The following PDXDC1 variants were observed in gnomAD, a reference collection of about 807,000 sequenced individuals.
The protein encoded by PDXDC1 is pyridoxal-dependent decarboxylase domain-containing protein 1.
PDXDC1 carries 42 observed loss-of-function variants against 100.1 expected under a neutral mutation model. The ratio of observed to expected loss-of-function variants is 0.42; its 90% CI spans 0.33 to 0.54. The LOEUF (loss-of-function observed/expected upper bound fraction) is 0.54, where lower values mean the gene tolerates loss of function less well. Among genes scored for constraint, PDXDC1 ranks in the 20% least tolerant of loss-of-function variants. The pLI is 0.10. For synonymous variants in PDXDC1, 260 were observed against 371.7 expected (o/e 0.70, Z 3.46); for missense variants, 636 against 979.2 (o/e 0.65, Z 4.68).
In PDXDC1 at chr16:15,111,972, G is replaced by A. The variant is rs538437818; in HGVS notation, c.1400-26907G>A. On this transcript the variant is annotated intron_variant, in intron 16 of 16. Transcript: ENST00000535621. ...CTGCTCCTTCCTGATCTGCACTGGA[G>A]CATCTTTCTTCTGTCCCTGCTCTAC... Among the ~76,000 whole-genome samples the A allele has an allele frequency of 4.7e-3, 698 of 147,784 alleles. 12 individuals are homozygous for A. Among genetic ancestry groups the A allele is most frequent in the African/African-American group, 0.016 (642 of 41,154 alleles).
At chr16:14,991,238 A>G (rs1209904066) in intron 1 of PDXDC1, among the ~76,000 whole-genome samples, 2 of 152,172 alleles carry the variant, frequency 1.3e-5, no homozygotes, top group African/African-American at 2.4e-5. Context: ...TTTTGTGTGT[A>G]TATATATGTA....
Position 15,036,087 on chromosome 16 carries a change from G to T in PDXDC1, c.2179G>T (p.Glu727Ter). ...TGAGACCAGCTCAGTCAGTCACATT[G>T]AAGACTTAGAAAAGGTGGAGCGCCT... ...LSETSSVSHIEDLEKVERLSS... is the reference protein window; with the variant it reads ...LSETSSVSHI Residue 727 changes from glutamate (E) to a stop codon, truncating the protein, a stop_gained, in exon 23 of 23, where the codon GAA (glutamate) becomes TAA (stop). Coordinates refer to ENST00000396410, the MANE Select transcript of PDXDC1 (RefSeq NM_015027.4). LOFTEE classifies it low-confidence loss of function (END_TRUNC). The T allele has an allele frequency of 6.2e-7, 1 of 1,614,114 alleles. No homozygotes were observed. The highest frequency in any genetic ancestry group is 1.1e-5 in the South Asian group (1 of 91,082).
intron 3 of PDXDC1, 125 bp from the exon 4 acceptor site, chr16:15,001,647 TTCTC>T: frequency 1.5e-6 from 1 of 655,830 alleles, no homozygotes; most frequent in Non-Finnish European, 2.5e-6. Context: ...ACCACGTTCT[TTCTC>T]TTATAGTTGC....
chr16:15,149,381 T>C, the PDXDC1 span, among the ~76,000 whole-genome samples: 1 of 152,198 alleles, frequency 6.6e-6, no homozygotes, highest in African/African-American at 2.4e-5. Context: ...TGAGGGCTCA[T>C]GGAGGCCTTG....
chr16:15,033,332 A>G lies in PDXDC1; in HGVS notation c.1745A>G (p.Asn582Ser), dbSNP rs568219168. ...SCLYVGMASD[N>S]VDAAELVETI... ...CTTTATGTCGGCATGGCGAGCGACA[A>G]CGTCGATGCTGCTGAGCTCGTGGAG... The change falls in exon 19 of 23, where the codon AAC (asparagine) becomes AGC (serine). Residue 582 changes from asparagine to serine, a missense_variant. By Grantham distance (46) the Asn-to-Ser change is conservative (BLOSUM62 1). Coordinates refer to ENST00000396410, the MANE Select transcript of PDXDC1 (RefSeq NM_015027.4). The G allele has an allele frequency of 8.1e-6, 13 of 1,614,178 alleles. No homozygotes were observed. Among genetic ancestry groups the G allele is most frequent in the African/African-American group, 4.0e-5 (3 of 75,046 alleles).
intron 16 of PDXDC1, among the ~76,000 whole-genome samples, chr16:15,080,912 A>T (rs1161484543): frequency 6.6e-6 from 1 of 151,922 alleles, no homozygotes; most frequent in Non-Finnish European, 1.5e-5. Flanking sequence ...CATTCCTCTC[A>T]TATCAATGGA....
intron 16 of PDXDC1, among the ~76,000 whole-genome samples, chr16:15,067,933 A>T (rs2045046843): frequency 6.6e-6 from 1 of 151,520 alleles, no homozygotes; most frequent in Admixed American, 6.6e-5. Context: ...AATTTTTAAA[A>T]TTTTTTTGTA....
At chr16:15,047,892 A>G (rs1434914633) in intron 16 of PDXDC1, 7 of 1,613,786 alleles carry the variant, frequency 4.3e-6, no homozygotes, top group Admixed American at 1.7e-5. Flanking sequence ...AAGTAGTGGC[A>G]TCATCAGAAC....
At chr16:15,132,809 CG>C (rs1337034091) in intron 16 of PDXDC1, 2 of 1,333,740 alleles carry the variant, frequency 1.5e-6, no homozygotes, top group Non-Finnish European at 2.1e-6. Flanking sequence ...GATGTTCTTG[CG>C]TATCTGGGCT....
chr16:15,000,534 G>A (rs1261585919), intron 3 of PDXDC1, among the ~76,000 whole-genome samples: 1 of 152,374 alleles, frequency 6.6e-6, no homozygotes, highest in African/African-American at 2.4e-5. Flanking sequence ...TGTTGAAAGA[G>A]GAAACCTCTT....
At chr16:14,984,495 A>T (rs375947432) in intron 1 of PDXDC1, among the ~76,000 whole-genome samples, 13,467 of 74,460 alleles carry the variant, frequency 0.18, 308 homozygotes, top group African/African-American at 0.3. Flanking sequence ...ATATATATAT[A>T]TTTTTTTTTT....
At chr16:15,114,815 G>C (rs2047184756) in intron 16 of PDXDC1, among the ~76,000 whole-genome samples, 1 of 130,840 alleles carries the variant, frequency 7.6e-6, no homozygotes, top group Non-Finnish European at 1.6e-5. Context: ...TATAAAGCAG[G>C]GATATCCAAT....
chr16:15,030,355 G>C (rs1391057301), intron 16 of PDXDC1, among the ~76,000 whole-genome samples: 8 of 152,132 alleles, frequency 5.3e-5, no homozygotes, highest in Non-Finnish European at 1.0e-4. Context: ...GACCAGCCTG[G>C]CCAACATAGT....
chr16:15,058,367 A>G (rs762221423), intron 16 of PDXDC1, among the ~76,000 whole-genome samples: 9 of 152,208 alleles, frequency 5.9e-5, no homozygotes, highest in Admixed American at 2.6e-4. Context: ...TAGGAAACCA[A>G]CCTGCCTCAC....
intron 8 of PDXDC1, among the ~76,000 whole-genome samples, chr16:15,012,943 G>A (rs1165849565): frequency 4.6e-5 from 7 of 152,212 alleles, no homozygotes; most frequent in African/African-American, 1.2e-4. Flanking sequence ...AGGCCGAGGC[G>A]GGCAGATTAC....
intron 16 of PDXDC1, chr16:15,085,610 G>T: frequency 6.2e-7 from 1 of 1,605,590 alleles, no homozygotes; most frequent in Non-Finnish European, 8.5e-7. Context: ...AAGCTACTGT[G>T]CCCAGGCTTT....
At chr16:15,073,191 C>A in intron 16 of PDXDC1, 2 of 1,237,434 alleles carry the variant, frequency 1.6e-6, no homozygotes, top group African/African-American at 1.5e-5. Context: ...TCCAGCCAAG[C>A]ACAGTGGCTC....
chr16:15,099,833 C>T (rs1276328720), intron 16 of PDXDC1, among the ~76,000 whole-genome samples: 4 of 152,096 alleles, frequency 2.6e-5, no homozygotes, highest in African/African-American at 9.7e-5. Context: ...CCCAGAAGAC[C>T]CATTAAACTG....
intron 15 of PDXDC1, chr16:15,029,295 C>A (rs2042877029): frequency 1.8e-6 from 1 of 569,198 alleles, no homozygotes; most frequent in Non-Finnish European, 3.1e-6. Flanking sequence ...CAGGCAGAGT[C>A]TGCCGAGCAT....
Sources: allele counts gnomAD v4.1 joint callset (sites outside exome capture counted in the v4.1 genomes callset), GRCh38; gene constraint gnomAD v4.1.1; transcripts MANE v1.5; gene names NCBI Gene and HGNC (gene_info 2026-07-23, HGNC 2026-07-21).